The following SPPL3 variants were observed in gnomAD, a reference collection of about 807,000 sequenced individuals.
The protein encoded by SPPL3 is signal peptide peptidase like 3, also known as signal peptide peptidase-like 3.
In SPPL3, 5 loss-of-function variants were observed where a neutral mutation model predicts 42.4. That is an observed-to-expected ratio of 0.12 (90% CI 0.06 to 0.25). The LOEUF (loss-of-function observed/expected upper bound fraction) is 0.25, where lower values mean the gene tolerates loss of function less well. Ranked by LOEUF, SPPL3 falls within the 10% of genes least tolerant of loss-of-function variation. The pLI, the probability that SPPL3 is intolerant of heterozygous loss-of-function variation, is 1.00. For synonymous variants in SPPL3, 195 were observed against 181.8 expected (o/e 1.07, Z -0.58); for missense variants, 235 against 489.0 (o/e 0.48, Z 4.90).
chr12:120,854,302 C>T (rs1872376570), intron 1 of SPPL3, among the ~76,000 whole-genome samples: 1 of 152,124 alleles, frequency 6.6e-6, no homozygotes, highest in Admixed American at 6.5e-5. Flanking sequence ...AAACATGGTC[C>T]ACCCCTAAAA....
chr12:120,882,843 T>A (rs1162585165), intron 1 of SPPL3, among the ~76,000 whole-genome samples: 1 of 152,042 alleles, frequency 6.6e-6, no homozygotes, highest in Non-Finnish European at 1.5e-5. Flanking sequence ...CAGTTAACTA[T>A]GATGGCACCA....
chr12:120,878,714 AT>A (rs1873186511), intron 1 of SPPL3, among the ~76,000 whole-genome samples: 1 of 152,100 alleles, frequency 6.6e-6, no homozygotes, highest in African/African-American at 2.4e-5. Flanking sequence ...GTCAAAAATT[AT>A]TTTTTCTTAA....
At chr12:120,853,738 C>T (rs1872339959) in intron 1 of SPPL3, among the ~76,000 whole-genome samples, 1 of 152,006 alleles carries the variant, frequency 6.6e-6, no homozygotes, top group Non-Finnish European at 1.5e-5. Context: ...TGGGGCAGAG[C>T]CAAGCATTCA....
chr12:120,878,855 C>T lies in SPPL3; in HGVS notation c.23+24990G>A, dbSNP rs570224577. ...AAGGCCGGGCGCAGTGGCTCATACCCGTAATCCCAGCACTTTGGGAGGCTG... is the reference window on the plus strand; with the variant it reads ...AAGGCCGGGCGCAGTGGCTCATACCTGTAATCCCAGCACTTTGGGAGGCTG... On this transcript the variant is annotated intron_variant, in intron 1 of 10. Transcript: ENST00000353487. Among the ~76,000 whole-genome samples the T allele has an allele frequency of 5.9e-5, 9 of 152,072 alleles. No individual in the cohort carries two copies. In the East Asian group the frequency reaches 1.2e-3, roughly 20 times the overall value.
chr12:120,802,431 A>ATATATAT (rs1312190815), intron 2 of SPPL3, among the ~76,000 whole-genome samples: 4 of 105,120 alleles, frequency 3.8e-5, no homozygotes, highest in African/African-American at 1.4e-4. Context: ...ATATATATAT[A>ATATATAT]TTTTTTTTTT....
chr12:120,837,299 G>A (rs570136743), intron 1 of SPPL3, among the ~76,000 whole-genome samples: 2 of 152,212 alleles, frequency 1.3e-5, no homozygotes, highest in Admixed American at 1.3e-4. Flanking sequence ...GAAATGTGAA[G>A]AGAAAAAAGG....
At chr12:120,890,414 C>A (rs975363366) in intron 1 of SPPL3, among the ~76,000 whole-genome samples, 1 of 151,546 alleles carries the variant, frequency 6.6e-6, no homozygotes, top group East Asian at 1.9e-4. Context: ...ATGATAAAAC[C>A]CCATCCCTAC....
chr12:120,816,010 G>A (rs935547817), intron 1 of SPPL3, among the ~76,000 whole-genome samples: 2 of 152,096 alleles, frequency 1.3e-5, no homozygotes, highest in Admixed American at 6.6e-5. Flanking sequence ...GATTACATGC[G>A]TAAGCCACCA....
chr12:120,899,894 A>AAC (rs925161210), intron 1 of SPPL3, among the ~76,000 whole-genome samples: 2 of 151,100 alleles, frequency 1.3e-5, no homozygotes, highest in Admixed American at 6.6e-5. Flanking sequence ...GTCTCAAAAA[A>AAC]AAAAAAAAAA....
intron 1 of SPPL3, among the ~76,000 whole-genome samples, chr12:120,829,139 T>C (rs1871316538): frequency 6.6e-6 from 1 of 152,194 alleles, no homozygotes. Context: ...AGCCTCACAC[T>C]GTATGCAAAA....
At chr12:120,802,388 T>TAC (rs1184183780) in intron 2 of SPPL3, among the ~76,000 whole-genome samples, 5 of 134,180 alleles carry the variant, frequency 3.7e-5, no homozygotes, top group Non-Finnish European at 6.0e-5. Flanking sequence ...TGTATATATA[T>TAC]ACACATATAT....
chr12:120,843,992 A>C (rs1871931655), intron 1 of SPPL3, among the ~76,000 whole-genome samples: 1 of 152,118 alleles, frequency 6.6e-6, no homozygotes, highest in Non-Finnish European at 1.5e-5. Context: ...ATAAAACAAA[A>C]CAAAACAAAA....
chr12:120,891,678 A>G (rs1873645454), intron 1 of SPPL3, among the ~76,000 whole-genome samples: 3 of 151,940 alleles, frequency 2.0e-5, no homozygotes, highest in Admixed American at 2.0e-4. Context: ...TTCCTGCAAA[A>G]TATTTTCACA....
chr12:120,882,601 G>T (rs1418141254), intron 1 of SPPL3, among the ~76,000 whole-genome samples: 1 of 152,030 alleles, frequency 6.6e-6, no homozygotes, highest in Non-Finnish European at 1.5e-5. Flanking sequence ...GAATACAGTG[G>T]TCTCCTATGT....
intron 1 of SPPL3, among the ~76,000 whole-genome samples, chr12:120,877,793 AGAAAG>A (rs759130512): frequency 4.5e-5 from 6 of 134,162 alleles, no homozygotes; most frequent in East Asian, 2.2e-4. Flanking sequence ...AAAAAAAAAA[AGAAAG>A]AAAGAAAGAA....
chr12:120,779,395 T>G (rs1869444614), intron 6 of SPPL3, among the ~76,000 whole-genome samples: 1 of 152,180 alleles, frequency 6.6e-6, no homozygotes, highest in African/African-American at 2.4e-5. Context: ...CTCCAAAGTC[T>G]GGAGTAGCTT....
rs893540629 is a variant in SPPL3, at chr12:120,845,061, C to G, written c.24-34175G>C. ...TCACACTGGAGCCAAGTGTTTGCCA[C>G]GAGAGTAAAGCAGAGGGCAAGAGGA... On this transcript the variant is annotated intron_variant, in intron 1 of 10. Transcript: ENST00000353487. The G allele has an allele frequency of 1.8e-5, 5 of 285,356 alleles. No individual in the cohort carries two copies. The South Asian group carries it at 2.1e-4, about 12-fold the overall frequency. The allele number at this position is 285,356 out of a possible 1,614,324, so 17.7% of individuals were successfully genotyped here.
intron 1 of SPPL3, among the ~76,000 whole-genome samples, chr12:120,814,739 A>G (rs769251796): frequency 2.7e-5 from 4 of 148,404 alleles, no homozygotes; most frequent in Middle Eastern, 3.4e-3. Flanking sequence ...ACTTTTAAAT[A>G]ACCACATTTT....
At chr12:120,772,356 T>C (rs564874645) in intron 6 of SPPL3, among the ~76,000 whole-genome samples, 25 of 152,130 alleles carry the variant, frequency 1.6e-4, no homozygotes, top group Non-Finnish European at 2.4e-4. Flanking sequence ...CCATAGAACG[T>C]TGAATGTCTC....
Sources: gnomAD v4.1 joint callset for allele counts (sites outside exome capture counted in the v4.1 genomes callset) on GRCh38, gnomAD v4.1.1 for gene constraint, MANE v1.5 for transcripts, NCBI Gene and HGNC (gene_info 2026-07-23, HGNC 2026-07-21) for gene names.